The following PLCXD3 variants were observed in gnomAD, a reference collection of about 807,000 sequenced individuals.
The protein encoded by PLCXD3 is phosphatidylinositol specific phospholipase C X domain containing 3.
PLCXD3 carries 19 observed loss-of-function variants against 25.5 expected under a neutral mutation model. The ratio of observed to expected loss-of-function variants is 0.75; its 90% CI spans 0.52 to 1.09. PLCXD3 has a LOEUF of 1.09. Ranked by LOEUF, PLCXD3 falls within the 50% of genes least tolerant of loss-of-function variation. The pLI is 0.00. For synonymous variants in PLCXD3, 174 were observed against 137.6 expected (o/e 1.26, Z -1.85); for missense variants, 411 against 388.1 (o/e 1.06, Z -0.50).
rs186644102 is a variant in PLCXD3 at position 41,464,750 on chromosome 5, C to A, written c.103+45674G>T. 6.3e-4 allele frequency among the ~76,000 whole-genome samples: 96 copies of A among 152,024 alleles called. 1 individual carries two copies. The East Asian group carries it at 0.016, about 26-fold the overall frequency. The stretch of plus-strand genomic sequence containing the variant: ...TTATCTCATTAAATACTGTTATATA[C>A]CATTCTCTGTATTTTCTCCTTTCTG... On this transcript the variant is annotated intron_variant, in intron 1 of 2. Transcript: ENST00000377801.
At chr5:41,392,057 T>A (rs1329140996) in intron 1 of PLCXD3, among the ~76,000 whole-genome samples, 1 of 152,120 alleles carries the variant, frequency 6.6e-6, no homozygotes, top group Admixed American at 6.6e-5. Flanking sequence ...AAGGTAGACC[T>A]ATAAGGTTTT....
At position 41,465,375 on chromosome 5, in the gene PLCXD3, T is replaced by A. The variant is rs889570492; in HGVS notation, c.103+45049A>T. The stretch of plus-strand genomic sequence containing the variant: ...TGTCTTTTTTTTTTTTTTTTTTTTT[T>A]TTTTTTTTTTTGCATTTCTACTTGT... On this transcript the variant is annotated intron_variant, in intron 1 of 2. Coordinates refer to ENST00000377801, the MANE Select transcript of PLCXD3 (RefSeq NM_001005473.3). Among the ~76,000 whole-genome samples the A allele has an allele frequency of 9.0e-4, 129 of 142,856 alleles. 2 individuals carry two copies. Among genetic ancestry groups the A allele is most frequent in the African/African-American group, 2.9e-3 (114 of 38,956 alleles). The allele number at this position is 142,856 out of a possible 152,430, so 93.7% of individuals were successfully genotyped here. A position where few individuals can be genotyped will look rare whatever the true frequency, so the allele number is the denominator to read the frequency against.
intron 1 of PLCXD3, among the ~76,000 whole-genome samples, chr5:41,447,937 A>G (rs1313771149): frequency 6.6e-6 from 1 of 152,234 alleles, no homozygotes; most frequent in African/African-American, 2.4e-5. Context: ...CATTCTGGCT[A>G]TTGTTGGCTG....
intron 1 of PLCXD3, among the ~76,000 whole-genome samples, chr5:41,502,371 A>T (rs760609469): frequency 6.6e-6 from 1 of 151,758 alleles, no homozygotes; most frequent in Non-Finnish European, 1.5e-5. Context: ...GGATAAAATT[A>T]TGTGTCTGTG....
intron 1 of PLCXD3, among the ~76,000 whole-genome samples, chr5:41,450,095 A>G (rs970770498): frequency 1.3e-5 from 2 of 152,138 alleles, no homozygotes; most frequent in Admixed American, 1.3e-4. Context: ...ATGAAGCTCT[A>G]TTCCTTGTTC....
At chr5:41,446,105 G>T (rs187985477) in intron 1 of PLCXD3, among the ~76,000 whole-genome samples, 1 of 146,490 alleles carries the variant, frequency 6.8e-6, no homozygotes, top group Non-Finnish European at 1.5e-5. Context: ...GGAGAATGAC[G>T]TGAACCCGGG....
chr5:41,375,995 A>G (rs1745282960), intron 2 of PLCXD3, among the ~76,000 whole-genome samples: 1 of 152,158 alleles, frequency 6.6e-6, no homozygotes, highest in African/African-American at 2.4e-5. Flanking sequence ...AAGGCCTTAA[A>G]TGGACACAAA....
chr5:41,389,640 G>A lies in PLCXD3; in HGVS notation c.104-7106C>T, dbSNP rs189040678. 6.6e-5 allele frequency among the ~76,000 whole-genome samples: 10 copies of A among 152,258 alleles called. 1 individual carries two copies. Among genetic ancestry groups the A allele is most frequent in the South Asian group, 6.2e-4 (3 of 4,828 alleles). On this transcript the variant is annotated intron_variant, in intron 1 of 2. Coordinates refer to ENST00000377801, the MANE Select transcript of PLCXD3 (RefSeq NM_001005473.3). ...AGTCAACACCATATCTGCTGTTGAT[G>A]TTGGTAACAGTGACCATCAGAAACT...
intron 1 of PLCXD3, among the ~76,000 whole-genome samples, chr5:41,442,079 A>G (rs1747397398): frequency 6.6e-6 from 1 of 152,234 alleles, no homozygotes; most frequent in Admixed American, 6.5e-5. Context: ...GATCAGCAAA[A>G]GATTCTAGAC....
intron 1 of PLCXD3, among the ~76,000 whole-genome samples, chr5:41,450,628 T>C (rs986603960): frequency 1.1e-4 from 17 of 152,114 alleles, no homozygotes; most frequent in Non-Finnish European, 2.1e-4. Flanking sequence ...TCTTTTCCAA[T>C]TTCACTCTCA....
chr5:41,510,597 C>A lies in PLCXD3; in HGVS notation c.-71G>T, dbSNP rs912877038. On this transcript the variant is annotated 5_prime_UTR_variant, in exon 1 of 3. Coordinates refer to ENST00000377801, the MANE Select transcript of PLCXD3 (RefSeq NM_001005473.3). ...AGGCTGGCAGGCTGCTGCCGCTAATCCAATGTTTGCTCTAGCCCCGCTAGA... is the reference window on the plus strand; with the variant it reads ...AGGCTGGCAGGCTGCTGCCGCTAATACAATGTTTGCTCTAGCCCCGCTAGA... The A allele has an allele frequency of 2.5e-6, 3 of 1,224,272 alleles. No homozygotes were observed. The highest frequency in any genetic ancestry group is 3.5e-6 in the Non-Finnish European group (3 of 846,228). 75.8% of individuals were successfully genotyped at this position (1,224,272 alleles called of 1,614,324 possible).
At chr5:41,467,464 A>C (rs1426397255) in intron 1 of PLCXD3, among the ~76,000 whole-genome samples, 1 of 152,078 alleles carries the variant, frequency 6.6e-6, no homozygotes, top group Non-Finnish European at 1.5e-5. Context: ...CTCTTAACAG[A>C]TTTATGATTT....
rs1747350266 is a variant in PLCXD3 at position 41,440,215 on chromosome 5, A to ATTTTTGT, written c.104-57682_104-57681insACAAAAA. ...TCTGAGCAAATTACATAATCTCTCA[A>ATTTTTGT]TTTTTTTTTTTTTTTTTTTTTTTTT... On this transcript the variant is annotated intron_variant, in intron 1 of 2. Transcript: ENST00000377801. 7.3e-4 allele frequency among the ~76,000 whole-genome samples: 30 copies of ATTTTTGT among 41,080 alleles called. 1 individual carries two copies. The highest frequency in any genetic ancestry group is 3.0e-3 in the African/African-American group (29 of 9,610). 27.0% of individuals were successfully genotyped at this position (41,080 alleles called of 152,430 possible).
chr5:41,423,078 A>AT (rs539716595), intron 1 of PLCXD3, among the ~76,000 whole-genome samples: 52 of 152,154 alleles, frequency 3.4e-4, no homozygotes, highest in African/African-American at 1.1e-3. Flanking sequence ...TGATCAAATT[A>AT]TTTTTTCTTT....
chr5:41,505,197 A>G (rs1025981831), intron 1 of PLCXD3, among the ~76,000 whole-genome samples: 3 of 152,026 alleles, frequency 2.0e-5, no homozygotes, highest in Non-Finnish European at 4.4e-5. Flanking sequence ...CCATTTAAGC[A>G]ATTGGAGAGC....
rs1217915699 is a variant in PLCXD3, at chr5:41,307,744, A to G, written c.*5873T>C. On this transcript the variant is annotated 3_prime_UTR_variant, in exon 3 of 3. Coordinates refer to ENST00000377801, the MANE Select transcript of PLCXD3 (RefSeq NM_001005473.3). Reference sequence around the variant, plus strand: ...TCCGTAGATGACCAGTTTTAACCTGATAAAAATAATTTGTGGTAAGATGTG... The same window carrying G: ...TCCGTAGATGACCAGTTTTAACCTGGTAAAAATAATTTGTGGTAAGATGTG... 4 of 152,170 alleles carry G rather than the reference A, an allele frequency of 2.6e-5. No individual in the cohort carries two copies. Among genetic ancestry groups the G allele is most frequent in the Non-Finnish European group, 4.4e-5 (3 of 68,018 alleles). 9.4% of individuals were successfully genotyped at this position (152,170 alleles called of 1,614,324 possible). A position where few individuals can be genotyped will look rare whatever the true frequency, so the allele number is the denominator to read the frequency against.
intron 2 of PLCXD3, among the ~76,000 whole-genome samples, chr5:41,376,847 C>T (rs148035853): frequency 1.3e-5 from 2 of 152,072 alleles, no homozygotes; most frequent in South Asian, 2.1e-4. Context: ...AATGCAGAGC[C>T]GTACTCATAG....
intron 1 of PLCXD3, among the ~76,000 whole-genome samples, chr5:41,509,725 T>TG (rs1738990727): frequency 6.6e-6 from 1 of 152,226 alleles, no homozygotes; most frequent in African/African-American, 2.4e-5. Flanking sequence ...TTTTTTGACC[T>TG]GGGCGAAGTG....
intron 1 of PLCXD3, among the ~76,000 whole-genome samples, chr5:41,425,050 G>T (rs1746922994): frequency 1.3e-5 from 2 of 152,126 alleles, no homozygotes; most frequent in Non-Finnish European, 2.9e-5. Context: ...TTTGGTGGTT[G>T]TATGCAGCTT....
Sources: allele counts gnomAD v4.1 joint callset (sites outside exome capture counted in the v4.1 genomes callset), GRCh38; gene constraint gnomAD v4.1.1; transcripts MANE v1.5; gene names NCBI Gene and HGNC (gene_info 2026-07-23, HGNC 2026-07-21).